GRK2: variants seen among roughly 807,000 people sequenced by gnomAD.
GRK2 encodes the protein G protein-coupled receptor kinase 2.
In GRK2, 23 loss-of-function variants were observed where a neutral mutation model predicts 97.8. That is an observed-to-expected ratio of 0.24 (90% confidence interval 0.17 to 0.33). GRK2 has a LOEUF of 0.33. Ranked by LOEUF, GRK2 falls within the 10% of genes least tolerant of loss-of-function variation. GRK2 has a pLI of 1.00. For synonymous variants in GRK2, 425 were observed against 381.7 expected, an observed-to-expected ratio of 1.11 and a Z score of -1.32; for missense variants, 633 against 956.9, an observed-to-expected ratio of 0.66 and a Z score of 4.47.
chr11:67,279,501 G>A lies in GRK2; in HGVS notation c.348G>A (p.Glu116=), dbSNP rs1301886792. Residue 116 remains glutamate (E), a synonymous_variant, in exon 4 of 21, where the codon GAG becomes GAA. Transcript: ENST00000308595. ...REIFDSYIMK[E]LLACSHPFSK... is the part of the protein sequence containing the mutation. Reference sequence around the variant, plus strand: ...TCTTCGACTCATACATCATGAAGGAGCTGCTGGCCTGCTCGCATGTGAGTG... The same window carrying A: ...TCTTCGACTCATACATCATGAAGGAACTGCTGGCCTGCTCGCATGTGAGTG... 1.2e-6 allele frequency: 2 copies of A among 1,613,262 alleles called. No homozygotes were observed. Among genetic ancestry groups the A allele is most frequent in the Admixed American group, 1.7e-5 (1 of 60,024 alleles).
intron 2 of GRK2, 54 bp downstream of exon 2, chr11:67,277,402 C>G (rs1023614935): frequency 6.7e-7 from 1 of 1,502,786 alleles, no homozygotes; most frequent in South Asian, 1.1e-5. Context: ...TGCCCCTACC[C>G]CAGCCAGCCC....
chr11:67,267,965 A>C (rs1859832427), intron 1 of GRK2, among the ~76,000 whole-genome samples: 1 of 152,228 alleles, frequency 6.6e-6, no homozygotes, highest in African/African-American at 2.4e-5. Flanking sequence ...GCCAGGGAGC[A>C]GACGTGCCCG....
chr11:67,285,021 C>T (rs772400781), intron 19 of GRK2, 38 bp downstream of exon 19: 37 of 1,611,974 alleles, frequency 2.3e-5, no homozygotes, highest in Admixed American at 8.3e-5. Context: ...GCCGGGCTTC[C>T]GGGTGGCTGG....
Position 67,286,117 on chromosome 11 carries a change from C to T in GRK2, c.*667C>T. Reference sequence around the variant, plus strand: ...TGTCCCCTCTTGCCCCAACCCCCAGCACCCGGGCTCAGGGACCACAGCAAG... The same window carrying T: ...TGTCCCCTCTTGCCCCAACCCCCAGTACCCGGGCTCAGGGACCACAGCAAG... On this transcript the variant is annotated 3_prime_UTR_variant, in exon 21 of 21. Coordinates refer to ENST00000308595, the MANE Select transcript of GRK2 (RefSeq NM_001619.5). 2.3e-6 allele frequency: 1 copy of T among 437,928 alleles called. No individual in the cohort carries two copies. The highest frequency in any genetic ancestry group is 4.1e-6 in the Non-Finnish European group (1 of 245,696). The allele number at this position is 437,928 out of a possible 1,614,324, so 27.1% of individuals were successfully genotyped here. A position where few individuals can be genotyped will look rare whatever the true frequency, so the allele number is the denominator to read the frequency against.
In GRK2 at chr11:67,282,516, G is replaced by C; in HGVS notation, c.1134G>C (p.Gly378=). ...YDSSADWFSL[G]CMLFKLLRGH... is the part of the protein sequence containing the mutation. Reference sequence around the variant, plus strand: ...GCAGTGCCGACTGGTTCTCTCTGGGGTGCATGCTCTTCAAGTTGCTGCGGG... The same window carrying C: ...GCAGTGCCGACTGGTTCTCTCTGGGCTGCATGCTCTTCAAGTTGCTGCGGG... Residue 378 remains glycine, a synonymous_variant, in exon 13 of 21, where the codon GGG becomes GGC. Transcript: ENST00000308595. This position sits in a 1 kb window ranked among gnomAD's most constrained non-coding sequence, Gnocchi z 6.9. The C allele has an allele frequency of 6.2e-7, 1 of 1,613,716 alleles. No individual in the cohort carries two copies. The highest frequency in any genetic ancestry group is 8.5e-7 in the Non-Finnish European group (1 of 1,179,988).
In GRK2 at chr11:67,281,627, C is replaced by A. The variant is rs777192967; in HGVS notation, c.748-23C>A. 7 of 1,582,444 alleles carry A rather than the reference C, an allele frequency of 4.4e-6. No homozygotes were observed. The Admixed American group carries it at 1.2e-4, about 26-fold the overall frequency. On this transcript the variant is annotated intron_variant, in intron 9 of 20. Transcript: ENST00000308595. This position sits in a 1 kb window ranked among gnomAD's most constrained non-coding sequence, Gnocchi z 5.7. ...GGGCGCCCCTGCTAACTGCCCGCCC[C>A]CTCCCCTCCTCTCCCCTCCTAGGAC...
At chr11:67,270,778 C>A (rs546496736) in intron 1 of GRK2, among the ~76,000 whole-genome samples, 1 of 152,306 alleles carries the variant, frequency 6.6e-6, no homozygotes, top group East Asian at 1.9e-4. Flanking sequence ...CCAGAGCATG[C>A]GTTTCACTTA....
At position 67,282,657 on chromosome 11, in the gene GRK2, AC is replaced by A; in HGVS notation, c.1161-93del. The A allele has an allele frequency of 6.4e-7, 1 of 1,562,726 alleles. No individual in the cohort carries two copies. Among genetic ancestry groups the A allele is most frequent in the African/African-American group, 1.3e-5 (1 of 74,078 alleles). On this transcript the variant is annotated intron_variant, in intron 13 of 20. Transcript: ENST00000308595. This position sits in a 1 kb window ranked among gnomAD's most constrained non-coding sequence, Gnocchi z 6.9. ...TAGCTGCCTTGGTGGTAGGGTTGGC[AC>A]CGTCCCTGACTTTGGCCACAGCTCA...
chr11:67,283,346 T>TG, intron 15 of GRK2, 118 bp downstream of exon 15: 1 of 914,214 alleles, frequency 1.1e-6, no homozygotes, highest in East Asian at 2.5e-5. Context: ...GCTCATAAGT[T>TG]GGGGCATGGC....
chr11:67,286,147 C>A lies in GRK2; in HGVS notation c.*697C>A. On this transcript the variant is annotated 3_prime_UTR_variant, in exon 21 of 21. Coordinates refer to ENST00000308595, the MANE Select transcript of GRK2 (RefSeq NM_001619.5). ...GGGCTCAGGGACCACAGCAAGGCAC[C>A]TGCAGGTTGGGCCATACTGGCCTCG... The A allele has an allele frequency of 2.1e-6, 1 of 487,422 alleles. No homozygotes were observed. Among genetic ancestry groups the A allele is most frequent in the Non-Finnish European group, 3.6e-6 (1 of 276,602 alleles). 30.2% of individuals were successfully genotyped at this position (487,422 alleles called of 1,614,324 possible). A position where few individuals can be genotyped will look rare whatever the true frequency, so the allele number is the denominator to read the frequency against.
At chr11:67,278,354 CG>C (rs1177726280) in intron 2 of GRK2, among the ~76,000 whole-genome samples, 1 of 152,136 alleles carries the variant, frequency 6.6e-6, no homozygotes, top group Non-Finnish European at 1.5e-5. Context: ...TGGTAGTGCT[CG>C]GGGGCCGGGG....
Position 67,282,195 on chromosome 11 carries a change from G to C in GRK2, c.958-76G>C. 6.9e-7 allele frequency: 1 copy of C among 1,445,924 alleles called. No individual in the cohort carries two copies. Among genetic ancestry groups the C allele is most frequent in the Non-Finnish European group, 9.6e-7 (1 of 1,038,810 alleles). The allele number at this position is 1,445,924 out of a possible 1,614,324, so 89.6% of individuals were successfully genotyped here. A position where few individuals can be genotyped will look rare whatever the true frequency, so the allele number is the denominator to read the frequency against. On this transcript the variant is annotated intron_variant, in intron 11 of 20. Coordinates refer to ENST00000308595, the MANE Select transcript of GRK2 (RefSeq NM_001619.5). The surrounding 1 kb of genome is among the most constrained non-coding windows in gnomAD (Gnocchi z 6.9). ...ACCCATCGTCCTCTCCAGTGAAGCA[G>C]TGACCCAGCTGGCATCTTGCCTGGC...
At chr11:67,283,030 T>C in intron 14 of GRK2, 98 bp from the exon 15 acceptor site, 1 of 1,296,810 alleles carries the variant, frequency 7.7e-7, no homozygotes, top group Non-Finnish European at 1.1e-6. Context: ...GTGCCCCATC[T>C]GTCCCTCTGC....
chr11:67,280,582 T>C, intron 6 of GRK2, 150 bp from the exon 7 acceptor site: 2 of 918,818 alleles, frequency 2.2e-6, no homozygotes, highest in Non-Finnish European at 3.5e-6. Context: ...CCTCAACATA[T>C]CCTTCCTGGA....
intron 1 of GRK2, among the ~76,000 whole-genome samples, chr11:67,270,716 G>T (rs1381285014): frequency 6.6e-6 from 1 of 152,142 alleles, no homozygotes; most frequent in Non-Finnish European, 1.5e-5. Flanking sequence ...TTGAAGCACC[G>T]CCGTTCCCCA....
Position 67,286,363 on chromosome 11 carries a change from C to T in GRK2, c.*913C>T. The T allele has an allele frequency of 1.4e-6, 1 of 697,692 alleles. No individual in the cohort carries two copies. 43.2% of individuals were successfully genotyped at this position (697,692 alleles called of 1,614,324 possible). ...AGCCCACGTCCTGTCAGTGCCGCCGCCTCGCCCACCGCATGCCCCCTCGTG... is the reference window on the plus strand; with the variant it reads ...AGCCCACGTCCTGTCAGTGCCGCCGTCTCGCCCACCGCATGCCCCCTCGTG... On this transcript the variant is annotated 3_prime_UTR_variant, in exon 21 of 21. Coordinates refer to ENST00000308595, the MANE Select transcript of GRK2 (RefSeq NM_001619.5).
rs57767154 is a variant in GRK2 at position 67,274,495 on chromosome 11, CTTTTTTTTTT to C, written c.114-2759_114-2750del. Among the ~76,000 whole-genome samples, 57 of 22,484 alleles carry C rather than the reference CTTTTTTTTTT, an allele frequency of 2.5e-3. 1 individual carries two copies. In the South Asian group the frequency reaches 0.13, roughly 53 times the overall value. The allele number at this position is 22,484 out of a possible 152,430, so 14.8% of individuals were successfully genotyped here. A position where few individuals can be genotyped will look rare whatever the true frequency, so the allele number is the denominator to read the frequency against. ...TCGCTACCTTCCGCTTGACCAGCAC[CTTTTTTTTTT>C]TTTTTTTTTTTTTTTTTGCTTTTTT... On this transcript the variant is annotated intron_variant, in intron 1 of 20. Transcript: ENST00000308595.
In GRK2 at chr11:67,281,886, T is replaced by C. The variant is rs749739399; in HGVS notation, c.891T>C (p.Tyr297=). The part of the protein sequence containing the change: ...GVFSEADMRF[Y]AAEIILGLEH... ...TCTCAGAGGCTGACATGCGCTTCTA[T>C]GCGGCCGAGATCATCCTGGGCCTGG... is the stretch of plus-strand genomic sequence containing the variant. The change falls in exon 11 of 21, where the codon TAT becomes TAC. Residue 297 remains tyrosine, a synonymous_variant. Transcript: ENST00000308595. The surrounding 1 kb of genome is among the most constrained non-coding windows in gnomAD (Gnocchi z 5.7). 8.7e-6 allele frequency: 14 copies of C among 1,613,500 alleles called. No individual in the cohort carries two copies. The highest frequency in any genetic ancestry group is 2.2e-5 in the East Asian group (1 of 44,880).
intron 17 of GRK2, 61 bp downstream of exon 17, chr11:67,284,010 C>T: frequency 2.7e-6 from 4 of 1,490,494 alleles, no homozygotes; most frequent in Middle Eastern, 1.7e-4. Context: ...GGAAGGATCC[C>T]TCTCCCTTCT....
Sources: allele counts gnomAD v4.1 joint callset (sites outside exome capture counted in the v4.1 genomes callset), GRCh38; gene constraint gnomAD v4.1.1; non-coding constraint Gnocchi (gnomAD v3.1); transcripts MANE v1.5; gene names NCBI Gene and HGNC (gene_info 2026-07-23, HGNC 2026-07-21).